The following CNTNAP5 variants were observed in gnomAD, a reference collection of about 807,000 sequenced individuals.
CNTNAP5 encodes the protein contactin-associated protein-like 5.
Under a neutral mutation model 150.2 loss-of-function variants are expected in CNTNAP5, and 72 were observed. That is an observed-to-expected ratio of 0.48 (90% confidence interval 0.40 to 0.58). The LOEUF (loss-of-function observed/expected upper bound fraction) is 0.58. Ranked by LOEUF, CNTNAP5 falls within the 20% of genes least tolerant of loss-of-function variation. The probability of loss-of-function intolerance (pLI) is 0.00; values close to 1 mark genes in which losing one functional copy is unlikely to be tolerated. For synonymous variants in CNTNAP5, 672 were observed against 619.8 expected (o/e 1.08, Z -1.25); for missense variants, 1,636 against 1,626.2 (o/e 1.01, Z -0.10).
intron 1 of CNTNAP5, among the ~76,000 whole-genome samples, chr2:124,195,966 G>A (rs886548789): frequency 3.3e-5 from 5 of 152,230 alleles, no homozygotes; most frequent in Admixed American, 6.5e-5. Context: ...CCTCTGATTT[G>A]ATTTGATGAT....
chr2:124,773,689 G>C (rs1250251118), intron 17 of CNTNAP5, among the ~76,000 whole-genome samples: 1 of 152,040 alleles, frequency 6.6e-6, no homozygotes, highest in Admixed American at 6.6e-5. Flanking sequence ...AACTGGTCAG[G>C]TATCTTGTTA....
chr2:124,496,957 A>C (rs1694164460), intron 7 of CNTNAP5, among the ~76,000 whole-genome samples: 1 of 152,076 alleles, frequency 6.6e-6, no homozygotes, highest in Non-Finnish European at 1.5e-5. Context: ...TTTTTCAACA[A>C]AGAGTAGTCC....
At chr2:124,125,954 G>T (rs1410183506) in intron 1 of CNTNAP5, among the ~76,000 whole-genome samples, 2 of 152,164 alleles carry the variant, frequency 1.3e-5, no homozygotes, top group African/African-American at 2.4e-5. Context: ...GTCCACAAGG[G>T]AAAGCAGGAA....
chr2:124,652,273 A>T (rs946935417), intron 13 of CNTNAP5, among the ~76,000 whole-genome samples: 1 of 151,752 alleles, frequency 6.6e-6, no homozygotes, highest in Non-Finnish European at 1.5e-5. Flanking sequence ...GCTGCTTTCT[A>T]CTCTGAGCTT....
At chr2:124,485,103 T>G (rs1019468063) in intron 7 of CNTNAP5, among the ~76,000 whole-genome samples, 16 of 37,814 alleles carry the variant, frequency 4.2e-4, no homozygotes, top group Non-Finnish European at 7.6e-4. Context: ...TCTGAGTTAT[T>G]AGAAAATGCA....
intron 1 of CNTNAP5, among the ~76,000 whole-genome samples, chr2:124,135,497 A>G (rs1170574110): frequency 6.6e-6 from 1 of 152,200 alleles, no homozygotes; most frequent in Non-Finnish European, 1.5e-5. Context: ...ATGGGCTTCA[A>G]GAAAGACTAG....
At chr2:124,279,124 G>A (rs1046452802) in intron 3 of CNTNAP5, among the ~76,000 whole-genome samples, 3 of 152,020 alleles carry the variant, frequency 2.0e-5, no homozygotes, top group African/African-American at 4.8e-5. Flanking sequence ...GATTGACGCC[G>A]CTGTCTGAGC....
chr2:124,755,453 C>CA (rs1261686064), intron 14 of CNTNAP5, among the ~76,000 whole-genome samples: 1 of 152,214 alleles, frequency 6.6e-6, no homozygotes, highest in African/African-American at 2.4e-5. Context: ...CACAGATACA[C>CA]AAGGAGACAT....
chr2:124,497,007 G>C (rs1200859614), intron 7 of CNTNAP5, among the ~76,000 whole-genome samples: 1 of 152,332 alleles, frequency 6.6e-6, no homozygotes, highest in Non-Finnish European at 1.5e-5. Context: ...CTCAAGGTCA[G>C]ACCAGAGCTT....
At chr2:124,291,745 T>G (rs370473688) in intron 3 of CNTNAP5, among the ~76,000 whole-genome samples, 9 of 152,272 alleles carry the variant, frequency 5.9e-5, no homozygotes, top group African/African-American at 2.2e-4. Flanking sequence ...AGTATCAGTC[T>G]CGGTCATACA....
chr2:124,158,575 G>A (rs1684602047), intron 1 of CNTNAP5, among the ~76,000 whole-genome samples: 1 of 152,138 alleles, frequency 6.6e-6, no homozygotes, highest in South Asian at 2.1e-4. Flanking sequence ...TGAATCCACG[G>A]ATATAGAACC....
chr2:124,660,080 A>G (rs910066492), intron 13 of CNTNAP5, among the ~76,000 whole-genome samples: 13 of 134,490 alleles, frequency 9.7e-5, no homozygotes, highest in South Asian at 7.8e-4. Context: ...GGAAGGAAGG[A>G]AGGGAGGGAG....
intron 10 of CNTNAP5, among the ~76,000 whole-genome samples, chr2:124,552,662 T>G (rs1240916670): frequency 1.3e-5 from 2 of 152,224 alleles, no homozygotes; most frequent in African/African-American, 2.4e-5. Flanking sequence ...AATTTGTGTG[T>G]GTATATATGT....
At position 124,419,153 on chromosome 2, in the gene CNTNAP5, A is replaced by AAAAAAAAAAAAC. The variant is rs1553466545; in HGVS notation, c.529+1573_529+1574insACAAAAAAAAAA. ...GAGACTCCTTCTCAAAAAAAAAAAAAAAAAAAAAAACAGTATGAAGCTTTT... is the reference window on the plus strand; with the variant it reads ...GAGACTCCTTCTCAAAAAAAAAAAAAAAAAAAAAAAACAAAAAAAAAACAGTATGAAGCTTTT... On this transcript the variant is annotated intron_variant, in intron 4 of 23. Transcript: ENST00000682447. Among the ~76,000 whole-genome samples the AAAAAAAAAAAAC allele has an allele frequency of 2.2e-3, 170 of 76,274 alleles. 3 individuals are homozygous for AAAAAAAAAAAAC. Among genetic ancestry groups the AAAAAAAAAAAAC allele is most frequent in the East Asian group, 3.9e-3 (9 of 2,324 alleles). 50.0% of individuals were successfully genotyped at this position (76,274 alleles called of 152,430 possible).
intron 10 of CNTNAP5, among the ~76,000 whole-genome samples, chr2:124,561,688 A>G (rs1160312822): frequency 6.6e-6 from 1 of 152,180 alleles, no homozygotes; most frequent in Non-Finnish European, 1.5e-5. Flanking sequence ...GCACAATTGT[A>G]TATTTGCTGT....
intron 1 of CNTNAP5, among the ~76,000 whole-genome samples, chr2:124,123,786 C>A (rs572157124): frequency 6.6e-6 from 1 of 152,282 alleles, no homozygotes; most frequent in South Asian, 2.1e-4. Context: ...GATACCCAGG[C>A]AAATAGTGTC....
chr2:124,065,455 C>T (rs76831710), intron 1 of CNTNAP5, among the ~76,000 whole-genome samples: 19 of 141,788 alleles, frequency 1.3e-4, no homozygotes, highest in Admixed American at 1.3e-3. Flanking sequence ...GTATAAAAAA[C>T]CCCCCAGCAG....
At chr2:124,189,237 T>C (rs1685405973) in intron 1 of CNTNAP5, among the ~76,000 whole-genome samples, 1 of 152,208 alleles carries the variant, frequency 6.6e-6, no homozygotes. Context: ...GCTTATTTTC[T>C]AACAAAGGGA....
chr2:124,669,878 A>G (rs933390564), intron 13 of CNTNAP5, among the ~76,000 whole-genome samples: 1 of 152,176 alleles, frequency 6.6e-6, no homozygotes, highest in African/African-American at 2.4e-5. Context: ...TCCCAGGCCC[A>G]AGATGCATCA....
Sources: gnomAD v4.1 joint callset for allele counts (sites outside exome capture counted in the v4.1 genomes callset) on GRCh38, gnomAD v4.1.1 for gene constraint, MANE v1.5 for transcripts, NCBI Gene and HGNC (gene_info 2026-07-23, HGNC 2026-07-21) for gene names.